DOK5: variants seen among roughly 807,000 people sequenced by gnomAD.
DOK5 encodes docking protein 5, also known as downstream of tyrosine kinase 5.
DOK5 carries 27 observed loss-of-function variants against 43.3 expected under a neutral mutation model. The ratio of observed to expected loss-of-function variants is 0.62; its 90% CI spans 0.46 to 0.86. DOK5 has a LOEUF of 0.86. DOK5 is among the 40% of genes least tolerant of loss of function. DOK5 has a pLI of 0.00. For synonymous variants in DOK5, 146 were observed against 140.1 expected (o/e 1.04, Z -0.30); for missense variants, 373 against 392.9 (o/e 0.95, Z 0.43).
At chr20:54,521,108 C>T (rs1484582081) in intron 1 of DOK5, among the ~76,000 whole-genome samples, 4 of 151,820 alleles carry the variant, frequency 2.6e-5, no homozygotes, top group East Asian at 3.9e-4. Flanking sequence ...GAGCAACCTT[C>T]GAGGCAGCAC....
At chr20:54,633,481 C>A (rs1978669223) in intron 6 of DOK5, among the ~76,000 whole-genome samples, 1 of 152,074 alleles carries the variant, frequency 6.6e-6, no homozygotes, top group African/African-American at 2.4e-5. Flanking sequence ...ATGTTTTGTG[C>A]TTGAAATATT....
At chr20:54,533,265 G>T (rs539541877) in intron 1 of DOK5, among the ~76,000 whole-genome samples, 1 of 151,878 alleles carries the variant, frequency 6.6e-6, no homozygotes, top group African/African-American at 2.4e-5. Flanking sequence ...ATGACCAAAA[G>T]CTTCTCCAGA....
chr20:54,614,669 C>G (rs1418999643), intron 6 of DOK5, among the ~76,000 whole-genome samples: 4 of 152,160 alleles, frequency 2.6e-5, no homozygotes, highest in Non-Finnish European at 5.9e-5. Flanking sequence ...AAAATAATGT[C>G]ACTTGCTCTT....
At chr20:54,572,122 A>G (rs1985302076) in intron 2 of DOK5, among the ~76,000 whole-genome samples, 1 of 150,794 alleles carries the variant, frequency 6.6e-6, no homozygotes, top group Non-Finnish European at 1.5e-5. Context: ...TCAGTTATTC[A>G]CCGTCTGTAT....
At chr20:54,565,746 G>T (rs1463984259) in intron 2 of DOK5, among the ~76,000 whole-genome samples, 1 of 152,166 alleles carries the variant, frequency 6.6e-6, no homozygotes, top group African/African-American at 2.4e-5. Context: ...AACATGGTCG[G>T]GCGCAGTGGC....
chr20:54,641,539 T>C (rs1219640726), intron 6 of DOK5, among the ~76,000 whole-genome samples: 4 of 128,750 alleles, frequency 3.1e-5, no homozygotes, highest in South Asian at 3.2e-4. Context: ...AATTTCTAAT[T>C]ATCATCATCA....
chr20:54,496,765 CAAA>C (rs74179280), intron 1 of DOK5, among the ~76,000 whole-genome samples: 12 of 59,502 alleles, frequency 2.0e-4, no homozygotes, highest in African/African-American at 6.0e-4. Context: ...GACTCCGTCT[CAAA>C]AAAAAAAAAA....
intron 5 of DOK5, among the ~76,000 whole-genome samples, chr20:54,603,940 ATTTTTTTTTT>A (rs35690531): frequency 1.3e-5 from 1 of 76,274 alleles, no homozygotes; most frequent in African/African-American, 5.7e-5. Context: ...TTCAAACTGT[ATTTTTTTTTT>A]TTTTTTTTTT....
At chr20:54,538,030 G>A (rs1984016825) in intron 1 of DOK5, among the ~76,000 whole-genome samples, 1 of 151,388 alleles carries the variant, frequency 6.6e-6, no homozygotes, top group African/African-American at 2.4e-5. Context: ...GTAGAGACGG[G>A]GTTTCACCAT....
At chr20:54,508,684 G>T (rs1184114591) in intron 1 of DOK5, among the ~76,000 whole-genome samples, 1 of 152,104 alleles carries the variant, frequency 6.6e-6, no homozygotes, top group Non-Finnish European at 1.5e-5. Context: ...GGGTTCAAGT[G>T]ATTCTCCTGT....
At chr20:54,553,732 T>G (rs980952677) in intron 1 of DOK5, among the ~76,000 whole-genome samples, 3 of 150,680 alleles carry the variant, frequency 2.0e-5, no homozygotes, top group African/African-American at 7.3e-5. Flanking sequence ...CGGTCTCTAC[T>G]AAAAAAATAC....
intron 1 of DOK5, among the ~76,000 whole-genome samples, chr20:54,553,262 C>A (rs1351132762): frequency 6.6e-6 from 1 of 152,138 alleles, no homozygotes; most frequent in African/African-American, 2.4e-5. Context: ...GTGGCGCCAT[C>A]TCGGCTCACT....
chr20:54,498,072 T>G (rs989602453), intron 1 of DOK5, among the ~76,000 whole-genome samples: 5 of 152,176 alleles, frequency 3.3e-5, no homozygotes, highest in African/African-American at 1.2e-4. Context: ...ATCACTAAAT[T>G]TTTCTCTTAT....
In DOK5 at chr20:54,643,393, T is replaced by A. The variant is rs928497780; in HGVS notation, c.736-65T>A. 2.5e-6 allele frequency: 4 copies of A among 1,591,452 alleles called. No individual in the cohort carries two copies. The African/African-American group carries it at 5.3e-5, about 21-fold the overall frequency. ...TTCTTTTACTCCATGCTCTCCTGTT[T>A]CCTCAGTCAGGCCACTTTCGGCCCC... On this transcript the variant is annotated intron_variant, in intron 6 of 7. Coordinates refer to ENST00000262593, the MANE Select transcript of DOK5 (RefSeq NM_018431.5).
At chr20:54,645,412 C>T (rs980238405) in intron 7 of DOK5, among the ~76,000 whole-genome samples, 1 of 148,508 alleles carries the variant, frequency 6.7e-6, no homozygotes, top group Non-Finnish European at 1.5e-5. Context: ...CCTCCATGCC[C>T]GCTCTGAACC....
At chr20:54,598,284 G>A (rs1025667037) in intron 5 of DOK5, among the ~76,000 whole-genome samples, 1 of 152,112 alleles carries the variant, frequency 6.6e-6, no homozygotes, top group Non-Finnish European at 1.5e-5. Context: ...AGTTTATCTT[G>A]GGGGCTAATG....
chr20:54,610,049 T>A (rs1161543747), intron 5 of DOK5, among the ~76,000 whole-genome samples: 2 of 152,196 alleles, frequency 1.3e-5, no homozygotes, highest in East Asian at 3.9e-4. Flanking sequence ...CTTGCACAGG[T>A]ATTTCTCTTT....
chr20:54,563,519 T>G (rs1984982511), intron 2 of DOK5, among the ~76,000 whole-genome samples: 1 of 152,180 alleles, frequency 6.6e-6, no homozygotes. Flanking sequence ...AATATTCTAC[T>G]GTATGTGGAA....
At chr20:54,630,943 A>G (rs1389865758) in intron 6 of DOK5, among the ~76,000 whole-genome samples, 2 of 152,206 alleles carry the variant, frequency 1.3e-5, no homozygotes, top group Non-Finnish European at 2.9e-5. Flanking sequence ...TCAGCAGGAA[A>G]AAAAAATATT....
Sources: gnomAD v4.1 joint callset for allele counts (sites outside exome capture counted in the v4.1 genomes callset) on GRCh38, gnomAD v4.1.1 for gene constraint, MANE v1.5 for transcripts, NCBI Gene and HGNC (gene_info 2026-07-23, HGNC 2026-07-21) for gene names.